Variants in C11orf42 observed in about 807,000 individuals in gnomAD.
The protein encoded by C11orf42 is chromosome 11 open reading frame 42.
C11orf42 carries 24 observed loss-of-function variants against 27.9 expected under a neutral mutation model. The ratio of observed to expected loss-of-function variants is 0.86; its 90% CI spans 0.62 to 1.21. The LOEUF (loss-of-function observed/expected upper bound fraction) is 1.21, where lower values mean the gene tolerates loss of function less well. Ranked by LOEUF, C11orf42 falls within the 50% of genes most tolerant of loss-of-function variation. C11orf42 has a pLI of 0.00. For missense variants in C11orf42, 455 were observed against 424.1 expected (o/e 1.07, Z -0.64); for synonymous variants, 187 against 180.8 (o/e 1.03, Z -0.28).
chr11:6,210,278 T>C lies in C11orf42; in HGVS notation c.501T>C (p.Ser167=). Residue 167 remains serine, a synonymous_variant, in exon 2 of 3, where the codon TCT becomes TCC. Transcript: ENST00000316375. This position sits in a 1 kb window ranked among gnomAD's most constrained non-coding sequence, Gnocchi z 4.0. ...HSIYVIYQVF[S]CSWLQLGLTS... is the part of the protein sequence containing the mutation. ...TCTATGTCATCTACCAGGTCTTCTC[T>C]TGTTCCTGGCTGCAGCTGGGGCTGA... 1.2e-6 allele frequency: 2 copies of C among 1,614,244 alleles called. No homozygotes were observed. Among genetic ancestry groups the C allele is most frequent in the East Asian group, 2.2e-5 (1 of 44,888 alleles).
At chr11:6,206,662 C>T (rs1846982583) in intron 1 of C11orf42, among the ~76,000 whole-genome samples, 1 of 152,140 alleles carries the variant, frequency 6.6e-6, no homozygotes, top group Non-Finnish European at 1.5e-5. Flanking sequence ...AGGCCAGCTT[C>T]CCAGGGAAGC....
Position 6,210,067 on chromosome 11 carries a change from CT to C in C11orf42, c.291del (p.Arg98GlyfsTer47). ...TCTGAGGGTGCCTTCGCCCACTGCA[CT>C]CGGGAATACTCACCAAATGGCCGAG... ...AGSEGAFAHC[T>X]REYSPNGRAE... On this transcript the variant is annotated frameshift_variant, in exon 2 of 3. Coordinates refer to ENST00000316375, the MANE Select transcript of C11orf42 (RefSeq NM_173525.3). LOFTEE classifies it high-confidence loss of function. The surrounding 1 kb of genome is among the most constrained non-coding windows in gnomAD (Gnocchi z 4.0). 1.2e-6 allele frequency: 2 copies of C among 1,614,242 alleles called. No individual in the cohort carries two copies. Among genetic ancestry groups the C allele is most frequent in the Non-Finnish European group, 1.7e-6 (2 of 1,180,048 alleles).
Position 6,210,944 on chromosome 11 carries a change from C to T in C11orf42, c.904C>T (p.Pro302Ser). Residue 302 changes from proline to serine, a missense_variant, in exon 3 of 3, where the codon CCA becomes TCA. Pro to Ser is a moderately conservative substitution (Grantham distance 74, BLOSUM62 -1). Transcript: ENST00000316375. This position sits in a 1 kb window ranked among gnomAD's most constrained non-coding sequence, Gnocchi z 4.0. ...NWLFSPRSPP[P>S]GAQGGGPRDP... is the part of the protein sequence containing the mutation. The stretch of plus-strand genomic sequence containing the variant: ...GCTCTTCAGCCCCCGCAGCCCTCCA[C>T]CAGGAGCCCAGGGTGGGGGCCCCAG... The T allele has an allele frequency of 6.2e-7, 1 of 1,609,090 alleles. No individual in the cohort carries two copies. Among genetic ancestry groups the T allele is most frequent in the South Asian group, 1.1e-5 (1 of 90,600 alleles).
At position 6,211,030 on chromosome 11, in the gene C11orf42, C is replaced by G; in HGVS notation, c.990C>G (p.Asp330Glu). ...TGCAGGGTCTATCCTCAGAGTTCGA[C>G]AGTGACGACTGAAGCTGAAGCAAAA... ...PLLQGLSSEF[D>E]SDD is the part of the protein sequence containing the mutation. The change falls in exon 3 of 3, where the codon GAC becomes GAG. Residue 330 changes from aspartate (D) to glutamate (E), a missense_variant. By Grantham distance (45) the Asp-to-Glu change is conservative. Coordinates refer to ENST00000316375, the MANE Select transcript of C11orf42 (RefSeq NM_173525.3). The G allele has an allele frequency of 6.2e-7, 1 of 1,610,766 alleles. No individual in the cohort carries two copies. The highest frequency in any genetic ancestry group is 8.5e-7 in the Non-Finnish European group (1 of 1,178,978).
In C11orf42 at chr11:6,210,992, TC is replaced by T. The variant is rs762816439; in HGVS notation, c.955del (p.Leu319CysfsTer37). On this transcript the variant is annotated frameshift_variant, in exon 3 of 3. Coordinates refer to ENST00000316375, the MANE Select transcript of C11orf42 (RefSeq NM_173525.3). LOFTEE classifies it high-confidence loss of function. The surrounding 1 kb of genome is among the most constrained non-coding windows in gnomAD (Gnocchi z 4.0). ...GPRDPDGHSM[S>X]LPLLQGLSSE... ...CAGGGACCCCGACGGGCACTCCATG[TC>T]CCTGCCCCTGCTGCAGGGTCTATCC... 6.2e-7 allele frequency: 1 copy of T among 1,609,286 alleles called. No individual in the cohort carries two copies. The highest frequency in any genetic ancestry group is 1.1e-5 in the South Asian group (1 of 90,530).
rs1343613931 is a variant in C11orf42 at position 6,211,060 on chromosome 11, C to T, written c.*18C>T. 1.2e-6 allele frequency: 2 copies of T among 1,608,570 alleles called. No individual in the cohort carries two copies. Among genetic ancestry groups the T allele is most frequent in the African/African-American group, 2.7e-5 (2 of 74,286 alleles). On this transcript the variant is annotated 3_prime_UTR_variant, in exon 3 of 3. Coordinates refer to ENST00000316375, the MANE Select transcript of C11orf42 (RefSeq NM_173525.3). ...ACGACTGAAGCTGAAGCAAAAGATTCCGGGGGCAAAGCCCCCAAGATCTGG... is the reference window on the plus strand; with the variant it reads ...ACGACTGAAGCTGAAGCAAAAGATTTCGGGGGCAAAGCCCCCAAGATCTGG...
chr11:6,210,042 T>C lies in C11orf42; in HGVS notation c.265T>C (p.Ser89Pro), dbSNP rs779176498. The change falls in exon 2 of 3, where the codon TCT (serine) becomes CCT (proline). Residue 89 changes from serine to proline, a missense_variant. Ser to Pro is a moderately conservative substitution (Grantham distance 74). Transcript: ENST00000316375. The surrounding 1 kb of genome is among the most constrained non-coding windows in gnomAD (Gnocchi z 4.0). ...PLPSLLEQAG[S>P]EGAFAHCTRE... ...ACCAAGCCTCCTGGAGCAGGCAGGA[T>C]CTGAGGGTGCCTTCGCCCACTGCAC... 2 of 1,614,192 alleles carry C rather than the reference T, an allele frequency of 1.2e-6. No individual in the cohort carries two copies. The highest frequency in any genetic ancestry group is 4.5e-5 in the East Asian group (2 of 44,882).
In C11orf42 at chr11:6,206,268, T is replaced by C. The variant is rs1017724228; in HGVS notation, c.72+581T>C. On this transcript the variant is annotated intron_variant, in intron 1 of 2. Transcript: ENST00000316375. ...GGCTAGTCTTAGAACCAGGACTTCC[T>C]ATAGAACCAGCTTCCTATAGAATCT... is the stretch of plus-strand genomic sequence containing the variant. 7.9e-5 allele frequency among the ~76,000 whole-genome samples: 12 copies of C among 152,320 alleles called. No homozygotes were observed. The East Asian group carries it at 2.1e-3, about 27-fold the overall frequency.
rs779211384 is a variant in C11orf42, at chr11:6,209,989, GGAGGGCACT to G, written c.215_223del (p.Arg72_Leu74del). 1.9e-6 allele frequency: 3 copies of G among 1,614,032 alleles called. No homozygotes were observed. The highest frequency in any genetic ancestry group is 2.5e-6 in the Non-Finnish European group (3 of 1,179,844). ...CTGGCTTTGCCAGGTCGGCAGGGCC[GGAGGGCACT>G]GAAACCAGTGGGGCCACTACCAAGC... On this transcript the variant is annotated inframe_deletion, in exon 2 of 3. Coordinates refer to ENST00000316375, the MANE Select transcript of C11orf42 (RefSeq NM_173525.3).
At chr11:6,206,541 C>T (rs1424969478) in intron 1 of C11orf42, among the ~76,000 whole-genome samples, 3 of 132,940 alleles carry the variant, frequency 2.3e-5, no homozygotes, top group African/African-American at 7.7e-5. Flanking sequence ...TCATAGAAGT[C>T]AGCCTACCAG....
At position 6,210,495 on chromosome 11, in the gene C11orf42, T is replaced by A; in HGVS notation, c.718T>A (p.Ser240Thr). 2 of 1,613,576 alleles carry A rather than the reference T, an allele frequency of 1.2e-6. No individual in the cohort carries two copies. The highest frequency in any genetic ancestry group is 1.7e-6 in the Non-Finnish European group (2 of 1,179,730). Residue 240 changes from serine to threonine, a missense_variant, in exon 2 of 3, where the codon TCA becomes ACA. Transcript: ENST00000316375. The surrounding 1 kb of genome is among the most constrained non-coding windows in gnomAD (Gnocchi z 4.0). ...LSIMPPLAPT[S>T]APADTTEAAD... ...CATCATGCCGCCTCTGGCCCCCACA[T>A]CAGCACCTGCTGATACAACTGAAGC...
At chr11:6,206,580 G>C (rs1339379186) in intron 1 of C11orf42, among the ~76,000 whole-genome samples, 1 of 151,786 alleles carries the variant, frequency 6.6e-6, no homozygotes, top group African/African-American at 2.4e-5. Flanking sequence ...TCTTAAAGCA[G>C]TGCCTACCAC....
intron 1 of C11orf42, among the ~76,000 whole-genome samples, chr11:6,207,319 G>A (rs1846990070): frequency 6.6e-6 from 1 of 152,228 alleles, no homozygotes; most frequent in Non-Finnish European, 1.5e-5. Context: ...CATATAGGAA[G>A]AGCGTATGGG....
chr11:6,205,932 G>A (rs1387573401), intron 1 of C11orf42, among the ~76,000 whole-genome samples: 5 of 152,164 alleles, frequency 3.3e-5, no homozygotes, highest in African/African-American at 9.7e-5. Flanking sequence ...GAGCAAAGAG[G>A]AGATACGCTA....
Position 6,210,802 on chromosome 11 carries a change from T to A in C11orf42, c.872-110T>A, listed in dbSNP as rs1029243595. 2 of 1,416,178 alleles carry A rather than the reference T, an allele frequency of 1.4e-6. No homozygotes were observed. Among genetic ancestry groups the A allele is most frequent in the Non-Finnish European group, 1.9e-6 (2 of 1,055,700 alleles). The allele number at this position is 1,416,178 out of a possible 1,614,324, so 87.7% of individuals were successfully genotyped here. Reference sequence around the variant, plus strand: ...GGAGACTGGGGAGGGTGAGATGGAATGAGGAGGCCCTAGGAAGGGGATTGG... The same window carrying A: ...GGAGACTGGGGAGGGTGAGATGGAAAGAGGAGGCCCTAGGAAGGGGATTGG... On this transcript the variant is annotated intron_variant, in intron 2 of 2. Coordinates refer to ENST00000316375, the MANE Select transcript of C11orf42 (RefSeq NM_173525.3). The surrounding 1 kb of genome is among the most constrained non-coding windows in gnomAD (Gnocchi z 4.0).
Position 6,210,056 on chromosome 11 carries a change from C to T in C11orf42, c.279C>T (p.Phe93=), listed in dbSNP as rs775687570. The T allele has an allele frequency of 1.1e-5, 18 of 1,614,216 alleles. No homozygotes were observed. In the East Asian group the frequency reaches 3.1e-4, roughly 28 times the overall value. ...LLEQAGSEGA[F]AHCTREYSPN... is the part of the protein sequence containing the mutation. Reference sequence around the variant, plus strand: ...AGCAGGCAGGATCTGAGGGTGCCTTCGCCCACTGCACTCGGGAATACTCAC... The same window carrying T: ...AGCAGGCAGGATCTGAGGGTGCCTTTGCCCACTGCACTCGGGAATACTCAC... The change falls in exon 2 of 3, where the codon TTC becomes TTT. Residue 93 remains phenylalanine, a synonymous_variant. Transcript: ENST00000316375. The surrounding 1 kb of genome is among the most constrained non-coding windows in gnomAD (Gnocchi z 4.0).
Position 6,209,986 on chromosome 11 carries a change from G to A in C11orf42, c.209G>A (p.Gly70Asp), listed in dbSNP as rs1554907109. 4 of 1,613,924 alleles carry A rather than the reference G, an allele frequency of 2.5e-6. No homozygotes were observed. The Admixed American group carries it at 5.0e-5, about 20-fold the overall frequency. Residue 70 changes from glycine to aspartate, a missense_variant, in exon 2 of 3, where the codon GGC becomes GAC. Gly to Asp is a moderately conservative substitution (Grantham distance 94). Coordinates refer to ENST00000316375, the MANE Select transcript of C11orf42 (RefSeq NM_173525.3). ...CGCCTGGCTTTGCCAGGTCGGCAGGGCCGGAGGGCACTGAAACCAGTGGGG... is the reference window on the plus strand; with the variant it reads ...CGCCTGGCTTTGCCAGGTCGGCAGGACCGGAGGGCACTGAAACCAGTGGGG... ...HTRLALPGRQGRRALKPVGPL... is the reference protein window; with the variant it reads ...HTRLALPGRQDRRALKPVGPL...
intron 1 of C11orf42, among the ~76,000 whole-genome samples, chr11:6,209,626 G>C (rs1456534665): frequency 1.3e-5 from 2 of 152,158 alleles, no homozygotes; most frequent in Non-Finnish European, 2.9e-5. Flanking sequence ...AACTATATTA[G>C]GACAAAGACA....
intron 1 of C11orf42, among the ~76,000 whole-genome samples, chr11:6,208,679 G>A (rs1273205819): frequency 1.3e-5 from 2 of 152,028 alleles, no homozygotes; most frequent in East Asian, 3.9e-4. Context: ...CACCTGTCTC[G>A]GCCTCCCAAA....
Sources: gnomAD v4.1 joint callset for allele counts (sites outside exome capture counted in the v4.1 genomes callset) on GRCh38, gnomAD v4.1.1 for gene constraint, Gnocchi (gnomAD v3.1) non-coding constraint, MANE v1.5 for transcripts, NCBI Gene and HGNC (gene_info 2026-07-23, HGNC 2026-07-21) for gene names.